ATP6V0E1: variants seen among roughly 807,000 people sequenced by gnomAD.
ATP6V0E1 encodes V-type proton ATPase subunit e 1.
In ATP6V0E1, 4 loss-of-function variants were observed where a neutral mutation model predicts 11.6. The ratio of observed to expected loss-of-function variants is 0.35; its 90% CI spans 0.17 to 0.79. The LOEUF (loss-of-function observed/expected upper bound fraction) is 0.79. Ranked by LOEUF, ATP6V0E1 falls within the 30% of genes least tolerant of loss-of-function variation. ATP6V0E1 has a pLI of 0.54. For missense variants in ATP6V0E1, 105 were observed against 100.0 expected (o/e 1.05, Z -0.21); for synonymous variants, 36 against 34.8 (o/e 1.04, Z -0.13).
chr5:172,987,161 GC>G, intron 1 of ATP6V0E1: 2 of 200,054 alleles, frequency 1.0e-5, no homozygotes, highest in Non-Finnish European at 2.1e-5. Flanking sequence ...TGGGGAAGGG[GC>G]CCCTGGTCAT....
intron 2 of ATP6V0E1, among the ~76,000 whole-genome samples, chr5:173,015,575 G>A (rs967204242): frequency 1.3e-5 from 2 of 152,132 alleles, no homozygotes; most frequent in Admixed American, 6.6e-5. Flanking sequence ...ACACAATGAA[G>A]CTTCCATAAA....
chr5:173,001,346 A>G (rs565130176), intron 2 of ATP6V0E1, among the ~76,000 whole-genome samples: 1 of 152,034 alleles, frequency 6.6e-6, no homozygotes, highest in South Asian at 2.1e-4. Context: ...CCATCCACTC[A>G]TTTCCACAAA....
chr5:173,028,418 G>T (rs1049874367), intron 3 of ATP6V0E1, among the ~76,000 whole-genome samples: 5 of 152,182 alleles, frequency 3.3e-5, no homozygotes, highest in Non-Finnish European at 7.3e-5. Flanking sequence ...GTAGATTTGG[G>T]TCTGACCTCA....
chr5:173,021,619 T>C (rs1393520327), intron 3 of ATP6V0E1, among the ~76,000 whole-genome samples: 1 of 151,658 alleles, frequency 6.6e-6, no homozygotes, highest in Admixed American at 6.6e-5. Flanking sequence ...ATCAGGAGGG[T>C]ACCAAGCCAT....
chr5:173,020,335 A>G lies in ATP6V0E1; in HGVS notation c.*4A>G, dbSNP rs1756459992. The G allele has an allele frequency of 6.2e-7, 1 of 1,602,432 alleles. No individual in the cohort carries two copies. The highest frequency in any genetic ancestry group is 1.3e-5 in the African/African-American group (1 of 74,664). On this transcript the variant is annotated 3_prime_UTR_variant, in exon 3 of 4. Transcript: ENST00000519374. The stretch of plus-strand genomic sequence containing the variant: ...TCTGAAGTATCATTGGCCTTGAGGA[A>G]GAAGACATGCTCTACAGTGCTCAGT...
chr5:173,007,583 A>C (rs1227060218), intron 2 of ATP6V0E1, among the ~76,000 whole-genome samples: 1 of 152,224 alleles, frequency 6.6e-6, no homozygotes, highest in Non-Finnish European at 1.5e-5. Context: ...TCTTTTGCGG[A>C]TTAGGTAGCC....
At chr5:173,011,175 C>CTTTTTTTTT (rs754605378) in intron 2 of ATP6V0E1, among the ~76,000 whole-genome samples, 4 of 114,698 alleles carry the variant, frequency 3.5e-5, no homozygotes, top group Non-Finnish European at 3.7e-5. Flanking sequence ...CCTGATTTAT[C>CTTTTTTTTT]TTTTTTTTTT....
At chr5:172,996,577 A>G (rs1210012480) in intron 2 of ATP6V0E1, among the ~76,000 whole-genome samples, 1 of 149,956 alleles carries the variant, frequency 6.7e-6, no homozygotes, top group Non-Finnish European at 1.5e-5. Context: ...AAAAAAAAAT[A>G]CATACATACA....
intron 1 of ATP6V0E1, among the ~76,000 whole-genome samples, chr5:172,984,580 G>T (rs1014867956): frequency 6.6e-6 from 1 of 152,232 alleles, no homozygotes; most frequent in Non-Finnish European, 1.5e-5. Context: ...TCTTGTATGT[G>T]AGTGTAAGAA....
intron 2 of ATP6V0E1, among the ~76,000 whole-genome samples, chr5:173,005,876 G>T (rs1187719670): frequency 1.3e-5 from 2 of 152,112 alleles, no homozygotes; most frequent in African/African-American, 4.8e-5. Context: ...CAGAATTGTG[G>T]TGTTTAATTT....
intron 3 of ATP6V0E1, among the ~76,000 whole-genome samples, chr5:173,022,967 G>A (rs1218827759): frequency 1.3e-5 from 2 of 151,962 alleles, no homozygotes; most frequent in East Asian, 1.9e-4. Flanking sequence ...CTGGGCTCCC[G>A]AGATCGACCT....
chr5:173,011,064 C>T (rs936072092), intron 2 of ATP6V0E1, among the ~76,000 whole-genome samples: 1 of 152,128 alleles, frequency 6.6e-6, no homozygotes, highest in East Asian at 1.9e-4. Flanking sequence ...TCATGAGTCC[C>T]TTTGGGTTGG....
intron 2 of ATP6V0E1, among the ~76,000 whole-genome samples, chr5:173,011,055 C>T (rs1281162706): frequency 1.3e-5 from 2 of 152,092 alleles, no homozygotes; most frequent in South Asian, 2.1e-4. Context: ...TCTCACAGCT[C>T]ATGAGTCCCT....
intron 3 of ATP6V0E1, chr5:173,020,624 A>G (rs375904134): frequency 8.5e-5 from 45 of 531,636 alleles, no homozygotes; most frequent in East Asian, 6.3e-4. Context: ...GCTTGCATGC[A>G]CTCTTTCAGA....
rs140596095 is a variant in ATP6V0E1 at position 172,991,042 on chromosome 5, A to G, written c.105-3733A>G. ...GCTCATATCTCACTACAGCCTTGAT[A>G]TCCTGGGCTCTAGTGATCCTCCCGC... On this transcript the variant is annotated intron_variant, in intron 1 of 3. Transcript: ENST00000519374. Among the ~76,000 whole-genome samples the G allele has an allele frequency of 4.3e-3, 655 of 151,952 alleles. 6 individuals carry two copies. The highest frequency in any genetic ancestry group is 0.015 in the African/African-American group (623 of 41,434).
In ATP6V0E1 at chr5:172,983,902, C is replaced by T; in HGVS notation, c.42C>T (p.Ser14=). ...HGLTVPLIVM[S]VFWGFVGFLV... ...TCACTGTGCCTCTCATTGTGATGAG[C>T]GTGTTCTGGGGCTTCGTCGGCTTCT... Residue 14 remains serine, a synonymous_variant, in exon 1 of 4, where the codon AGC becomes AGT. Coordinates refer to ENST00000519374, the MANE Select transcript of ATP6V0E1 (RefSeq NM_003945.4). 2 of 1,613,580 alleles carry T rather than the reference C, an allele frequency of 1.2e-6. No homozygotes were observed. Among genetic ancestry groups the T allele is most frequent in the African/African-American group, 2.7e-5 (2 of 75,042 alleles).
intron 2 of ATP6V0E1, among the ~76,000 whole-genome samples, chr5:173,008,932 A>C (rs892424446): frequency 2.6e-4 from 39 of 149,406 alleles, no homozygotes; most frequent in Non-Finnish European, 4.6e-4. Context: ...AAAAAAAAAA[A>C]AACTCAACTG....
chr5:173,008,950 G>C (rs906528866), intron 2 of ATP6V0E1, among the ~76,000 whole-genome samples: 7 of 150,654 alleles, frequency 4.6e-5, no homozygotes, highest in African/African-American at 1.7e-4. Context: ...CTGAGGGCTG[G>C]GTGGGTGACT....
intron 2 of ATP6V0E1, among the ~76,000 whole-genome samples, chr5:173,017,840 CAAAAAAA>C (rs538210275): frequency 1.4e-4 from 9 of 66,562 alleles, no homozygotes; most frequent in East Asian, 5.0e-4. Flanking sequence ...GACTCCTTCT[CAAAAAAA>C]AAAAAAAAAA....
Sources: gnomAD v4.1 joint callset for allele counts (sites outside exome capture counted in the v4.1 genomes callset) on GRCh38, gnomAD v4.1.1 for gene constraint, MANE v1.5 for transcripts, NCBI Gene and HGNC (gene_info 2026-07-23, HGNC 2026-07-21) for gene names.